The following SEPTIN10 variants were observed in gnomAD, a reference collection of about 807,000 sequenced individuals.
The protein encoded by SEPTIN10 is septin 10.
SEPTIN10 carries 66 observed loss-of-function variants against 54.8 expected under a neutral mutation model. The ratio of observed to expected loss-of-function variants is 1.21; its 90% CI spans 0.99 to 1.48. SEPTIN10 has a LOEUF of 1.48. Among genes scored for constraint, SEPTIN10 ranks in the 40% most tolerant of loss-of-function variants. The pLI is 0.00. For synonymous variants in SEPTIN10, 161 were observed against 181.0 expected, an observed-to-expected ratio of 0.89 and a Z score of 0.89; for missense variants, 620 against 545.6, an observed-to-expected ratio of 1.14 and a Z score of -1.36.
intron 8 of SEPTIN10, 41 bp from the exon 9 acceptor site, chr2:109,553,260 A>G (rs746169481): frequency 1.2e-6 from 2 of 1,608,832 alleles, no homozygotes; most frequent in South Asian, 1.1e-5. Context: ...AAAAAGTGAT[A>G]TAGGTCGGGT....
rs1692367596 is a variant in SEPTIN10 at position 109,585,762 on chromosome 2, C to T, written c.176G>A (p.Arg59Lys). 1 of 1,613,738 alleles carries T rather than the reference C, an allele frequency of 6.2e-7. No individual in the cohort carries two copies. Among genetic ancestry groups the T allele is most frequent in the South Asian group, 1.1e-5 (1 of 91,058 alleles). Residue 59 changes from arginine to lysine, a missense_variant, in exon 3 of 11, where the codon AGA (arginine) becomes AAA (lysine). Transcript: ENST00000397712. ...AAAGCAGAAACCTTGCTGAATGGAT[C>T]TGTTCACCAGCTGATCAGGCAAACT... is the stretch of plus-strand genomic sequence containing the variant. ...FESLPDQLVN[R>K]SIQQGFCFNI...
intron 8 of SEPTIN10, among the ~76,000 whole-genome samples, chr2:109,562,251 A>G (rs1178274358): frequency 6.6e-6 from 1 of 151,746 alleles, no homozygotes; most frequent in Non-Finnish European, 1.5e-5. Context: ...AATTTAAAAA[A>G]ATACATGTCT....
At chr2:109,601,881 A>G (rs1297763698) in intron 1 of SEPTIN10, among the ~76,000 whole-genome samples, 1 of 152,146 alleles carries the variant, frequency 6.6e-6, no homozygotes, top group Non-Finnish European at 1.5e-5. Context: ...ACTTTTTCCC[A>G]ATGTTGTTAG....
At chr2:109,595,650 G>GA (rs967819262) in intron 1 of SEPTIN10, among the ~76,000 whole-genome samples, 1 of 151,906 alleles carries the variant, frequency 6.6e-6, no homozygotes, top group African/African-American at 2.4e-5. Flanking sequence ...ATTTAAGGTA[G>GA]AAAAAAAATC....
intron 4 of SEPTIN10, among the ~76,000 whole-genome samples, chr2:109,580,859 C>T (rs957703860): frequency 2.6e-5 from 4 of 152,166 alleles, no homozygotes; most frequent in Non-Finnish European, 4.4e-5. Context: ...CCGGGCAGAG[C>T]GCAAAGACAG....
intron 4 of SEPTIN10, among the ~76,000 whole-genome samples, chr2:109,578,493 G>A (rs1385487500): frequency 3.9e-5 from 6 of 151,966 alleles, no homozygotes; most frequent in Non-Finnish European, 5.9e-5. Flanking sequence ...GGCCAGGCAT[G>A]GCAGGCTCAT....
At position 109,613,782 on chromosome 2, in the gene SEPTIN10, C is replaced by A; in HGVS notation, c.30+16G>T. 8.2e-7 allele frequency: 1 copy of A among 1,223,370 alleles called. No individual in the cohort carries two copies. The highest frequency in any genetic ancestry group is 1.0e-6 in the Non-Finnish European group (1 of 982,256). The allele number at this position is 1,223,370 out of a possible 1,614,324, so 75.8% of individuals were successfully genotyped here. On this transcript the variant is annotated intron_variant, in intron 1 of 10. Coordinates refer to ENST00000397712, the MANE Select transcript of SEPTIN10 (RefSeq NM_144710.5). ...GGGGAGCGCGGGGCTGGGGCCCCGG[C>A]GTCGGCGGGACTCACCAGGTGCCGC... is the stretch of plus-strand genomic sequence containing the variant.
At chr2:109,590,544 G>A (rs954087066) in intron 2 of SEPTIN10, among the ~76,000 whole-genome samples, 2 of 151,874 alleles carry the variant, frequency 1.3e-5, no homozygotes, top group African/African-American at 4.8e-5. Context: ...TGATTCTCCT[G>A]CCTCAGCCTC....
At chr2:109,607,337 T>G (rs1290984630) in intron 1 of SEPTIN10, among the ~76,000 whole-genome samples, 1 of 152,142 alleles carries the variant, frequency 6.6e-6, no homozygotes, top group Non-Finnish European at 1.5e-5. Flanking sequence ...TCTTAGACTG[T>G]TTTCAAATCT....
At chr2:109,587,368 C>T (rs1046167249) in intron 2 of SEPTIN10, among the ~76,000 whole-genome samples, 1 of 151,908 alleles carries the variant, frequency 6.6e-6, no homozygotes, top group African/African-American at 2.4e-5. Flanking sequence ...GTCTTAAAAA[C>T]TTGTGTGAGA....
chr2:109,597,290 T>C (rs897004331), intron 1 of SEPTIN10, among the ~76,000 whole-genome samples: 2 of 152,150 alleles, frequency 1.3e-5, no homozygotes, highest in Admixed American at 6.6e-5. Context: ...AGGACAAGAG[T>C]TGGCTGAATC....
chr2:109,558,350 C>T lies in SEPTIN10; in HGVS notation c.1029-5131G>A, dbSNP rs181464149. Among the ~76,000 whole-genome samples the T allele has an allele frequency of 2.0e-3, 308 of 152,160 alleles. 2 individuals carry two copies. Among genetic ancestry groups the T allele is most frequent in the African/African-American group, 7.2e-3 (300 of 41,518 alleles). On this transcript the variant is annotated intron_variant, in intron 8 of 10. Coordinates refer to ENST00000397712, the MANE Select transcript of SEPTIN10 (RefSeq NM_144710.5). ...AAGACATGAAGTTTTACTAAAATTA[C>T]GTCAAATACTTAAACAACTCTAAAC...
At chr2:109,594,662 G>C (rs1253274235) in intron 1 of SEPTIN10, 1 of 152,254 alleles carries the variant, frequency 6.6e-6, no homozygotes, top group Non-Finnish European at 1.5e-5. Context: ...CAATGAAAGA[G>C]AGAACCTGGG....
chr2:109,591,062 T>C (rs1272336260), intron 2 of SEPTIN10, among the ~76,000 whole-genome samples: 2 of 152,224 alleles, frequency 1.3e-5, no homozygotes, highest in African/African-American at 2.4e-5. Context: ...CGATTTGTTA[T>C]GCAGCAACAG....
At chr2:109,572,103 T>TA (rs1010908233) in intron 5 of SEPTIN10, among the ~76,000 whole-genome samples, 1 of 152,226 alleles carries the variant, frequency 6.6e-6, no homozygotes, top group Admixed American at 6.5e-5. Context: ...CCAAAAGTCT[T>TA]AGAGTGAGCT....
chr2:109,547,369 GTTT>G (rs35573327), intron 9 of SEPTIN10, among the ~76,000 whole-genome samples: 4 of 117,876 alleles, frequency 3.4e-5, no homozygotes, highest in African/African-American at 3.2e-5. Flanking sequence ...TAATAAACTT[GTTT>G]TTTTTTTTTT....
chr2:109,555,149 G>T (rs1467124994), intron 8 of SEPTIN10, among the ~76,000 whole-genome samples: 1 of 152,094 alleles, frequency 6.6e-6, no homozygotes, highest in Non-Finnish European at 1.5e-5. Flanking sequence ...CAAAAACACA[G>T]ATCTCATTAT....
In SEPTIN10 at chr2:109,578,951, A is replaced by T. The variant is rs189188939; in HGVS notation, c.414-4184T>A. Among the ~76,000 whole-genome samples the T allele has an allele frequency of 2.6e-5, 4 of 152,306 alleles. No individual in the cohort carries two copies. The East Asian group carries it at 7.7e-4, about 29-fold the overall frequency. On this transcript the variant is annotated intron_variant, in intron 4 of 10. Coordinates refer to ENST00000397712, the MANE Select transcript of SEPTIN10 (RefSeq NM_144710.5). ...TAAGAGCAGAAAGTAATGAAACAGG[A>T]AAAAAGAAAAGCATAAAACTGAAAG...
chr2:109,553,224 A>G lies in SEPTIN10; in HGVS notation c.1029-5T>C. 1 of 1,613,430 alleles carries G rather than the reference A, an allele frequency of 6.2e-7. No individual in the cohort carries two copies. Among genetic ancestry groups the G allele is most frequent in the Non-Finnish European group, 8.5e-7 (1 of 1,179,886 alleles). Reference sequence around the variant, plus strand: ...GCTTCATAGGTCTCTTGAACACTAAAAAGTTATTTGTGTTACTCTCCTGCT... The same window carrying G: ...GCTTCATAGGTCTCTTGAACACTAAGAAGTTATTTGTGTTACTCTCCTGCT... On this transcript the variant is annotated splice_region_variant and splice_polypyrimidine_tract_variant and intron_variant, in intron 8 of 10. Transcript: ENST00000397712.
Sources: gnomAD v4.1 joint callset for allele counts (sites outside exome capture counted in the v4.1 genomes callset) on GRCh38, gnomAD v4.1.1 for gene constraint, MANE v1.5 for transcripts, NCBI Gene and HGNC (gene_info 2026-07-23, HGNC 2026-07-21) for gene names.